TMPRSS15: variants seen among roughly 807,000 people sequenced by gnomAD.
TMPRSS15 encodes transmembrane serine protease 15.
In TMPRSS15, 128 loss-of-function variants were observed where a neutral mutation model predicts 125.3. The ratio of observed to expected loss-of-function variants is 1.02; its 90% CI spans 0.89 to 1.18. The LOEUF (loss-of-function observed/expected upper bound fraction) is 1.18. Ranked by LOEUF, TMPRSS15 falls within the 50% of genes most tolerant of loss-of-function variation. The pLI is 0.00. For missense variants in TMPRSS15, 1,283 were observed against 1,212.7 expected, an observed-to-expected ratio of 1.06 and a Z score of -0.86; for synonymous variants, 446 against 423.2, an observed-to-expected ratio of 1.05 and a Z score of -0.66.
intron 9 of TMPRSS15, 96 bp from the exon 10 acceptor site, chr21:18,353,148 TTA>T: frequency 9.4e-7 from 1 of 1,060,502 alleles, no homozygotes; most frequent in Non-Finnish European, 1.4e-6. Context: ...CTTATACAGC[TTA>T]TACTTCAGTG....
chr21:18,331,932 T>C, intron 14 of TMPRSS15, 152 bp downstream of exon 14: 2 of 691,796 alleles, frequency 2.9e-6, no homozygotes, highest in Admixed American at 2.1e-5. Context: ...GCAATTATTG[T>C]TATTTTTGTT....
chr21:18,450,539 G>A (rs2076265935), intron 1 of TMPRSS15, among the ~76,000 whole-genome samples: 1 of 152,158 alleles, frequency 6.6e-6, no homozygotes, highest in Non-Finnish European at 1.5e-5. Flanking sequence ...GGGAGTAGAA[G>A]GAGGTTCAAC....
chr21:18,444,483 G>C (rs1424957452), intron 1 of TMPRSS15, among the ~76,000 whole-genome samples: 2 of 152,076 alleles, frequency 1.3e-5, no homozygotes, highest in Non-Finnish European at 2.9e-5. Context: ...GGGCCTGTTG[G>C]GGGATGGGGG....
intron 18 of TMPRSS15, among the ~76,000 whole-genome samples, chr21:18,309,643 G>T (rs930014230): frequency 2.0e-5 from 3 of 152,048 alleles, no homozygotes; most frequent in Admixed American, 2.0e-4. Context: ...ATTCTCAAAA[G>T]AAGACATTTA....
At chr21:18,275,135 A>G in intron 24 of TMPRSS15, 62 bp downstream of exon 24, 2 of 1,576,930 alleles carry the variant, frequency 1.3e-6, no homozygotes, top group African/African-American at 1.3e-5. Context: ...TTGTTAAGCA[A>G]TGAAATAACT....
chr21:18,468,844 C>T (rs980828076), intron 1 of TMPRSS15, among the ~76,000 whole-genome samples: 2 of 152,104 alleles, frequency 1.3e-5, no homozygotes, highest in Non-Finnish European at 2.9e-5. Context: ...TCTACTTTGA[C>T]GGTGCAAGCT....
intron 7 of TMPRSS15, among the ~76,000 whole-genome samples, chr21:18,364,599 T>C (rs1383251641): frequency 1.3e-5 from 2 of 152,138 alleles, no homozygotes; most frequent in African/African-American, 2.4e-5. Flanking sequence ...ATTTTGATTA[T>C]CTTCATGATT....
intron 1 of TMPRSS15, among the ~76,000 whole-genome samples, chr21:18,470,731 A>G (rs1476866335): frequency 6.6e-6 from 1 of 152,054 alleles, no homozygotes; most frequent in African/African-American, 2.4e-5. Context: ...AACGAGAGGA[A>G]AGGAAATATG....
intron 6 of TMPRSS15, among the ~76,000 whole-genome samples, chr21:18,365,504 C>G (rs898603206): frequency 1.3e-5 from 2 of 149,210 alleles, no homozygotes; most frequent in African/African-American, 5.0e-5. Flanking sequence ...TTTTCCCTTG[C>G]TTCCTTCCTT....
chr21:18,455,100 GT>G (rs574491475), intron 1 of TMPRSS15, among the ~76,000 whole-genome samples: 8 of 151,978 alleles, frequency 5.3e-5, no homozygotes, highest in African/African-American at 1.2e-4. Context: ...TTTTATAAGG[GT>G]TTTTTTCCTT....
intron 22 of TMPRSS15, 68 bp from the exon 23 acceptor site, chr21:18,279,127 C>T: frequency 1.2e-6 from 1 of 851,000 alleles, no homozygotes; most frequent in Non-Finnish European, 1.9e-6. Flanking sequence ...ACAAGCATTT[C>T]TAACAAGTTT....
At chr21:18,326,311 A>G in intron 16 of TMPRSS15, 121 bp downstream of exon 16, 1 of 1,333,466 alleles carries the variant, frequency 7.5e-7, no homozygotes, top group East Asian at 2.3e-5. Context: ...CATTAAGATG[A>G]GGAAGAATAA....
At chr21:18,313,628 C>T (rs557936771) in intron 17 of TMPRSS15, among the ~76,000 whole-genome samples, 38 of 151,676 alleles carry the variant, frequency 2.5e-4, no homozygotes, top group Admixed American at 2.0e-3. Flanking sequence ...CTTAATATTT[C>T]GAGTTTAGAG....
chr21:18,306,096 A>G (rs1307794380), intron 18 of TMPRSS15, among the ~76,000 whole-genome samples: 1 of 152,214 alleles, frequency 6.6e-6, no homozygotes, highest in Non-Finnish European at 1.5e-5. Context: ...TAGCGAATTA[A>G]GTAGAAATCA....
chr21:18,338,276 C>T (rs2075412398), intron 13 of TMPRSS15, among the ~76,000 whole-genome samples: 1 of 151,992 alleles, frequency 6.6e-6, no homozygotes, highest in East Asian at 1.9e-4. Context: ...ATATTACTTC[C>T]TCCTAGAAAA....
chr21:18,301,687 A>G (rs1031050228), intron 18 of TMPRSS15, among the ~76,000 whole-genome samples: 2 of 152,182 alleles, frequency 1.3e-5, no homozygotes, highest in African/African-American at 4.8e-5. Context: ...TAACTTCATT[A>G]CACATTCACA....
intron 1 of TMPRSS15, among the ~76,000 whole-genome samples, chr21:18,466,398 C>T (rs946000879): frequency 6.6e-6 from 1 of 151,500 alleles, no homozygotes; most frequent in Non-Finnish European, 1.5e-5. Context: ...AAACAAAAGC[C>T]AAAATGGACA....
chr21:18,435,629 G>A (rs937090542), intron 1 of TMPRSS15, among the ~76,000 whole-genome samples: 21 of 152,242 alleles, frequency 1.4e-4, no homozygotes, highest in Admixed American at 1.1e-3. Context: ...TTGGTATCAG[G>A]ATGATGCTGG....
chr21:18,440,589 A>G (rs2076239315), intron 1 of TMPRSS15, among the ~76,000 whole-genome samples: 1 of 152,004 alleles, frequency 6.6e-6, no homozygotes, highest in Admixed American at 6.6e-5. Context: ...CATATTTATT[A>G]TCCCATGCTA....
Sources: gnomAD v4.1 joint callset for allele counts (sites outside exome capture counted in the v4.1 genomes callset) on GRCh38, gnomAD v4.1.1 for gene constraint, MANE v1.5 for transcripts, NCBI Gene and HGNC (gene_info 2026-07-23, HGNC 2026-07-21) for gene names.